FMNL2: variants seen among roughly 807,000 people sequenced by gnomAD.
The protein encoded by FMNL2 is formin-like protein 2.
Under a neutral mutation model 130.2 loss-of-function variants are expected in FMNL2, and 51 were observed. The ratio of observed to expected loss-of-function variants is 0.39; its 90% confidence interval spans 0.31 to 0.49. The LOEUF is 0.49. FMNL2 is among the 20% of genes least tolerant of loss of function. FMNL2 has a pLI of 0.85. For missense variants in FMNL2, 977 were observed against 1,316.2 expected, an observed-to-expected ratio of 0.74 and a Z score of 3.99; for synonymous variants, 465 against 467.1, an observed-to-expected ratio of 1.00 and a Z score of 0.06.
rs199501397 is a variant in FMNL2, at chr2:152,443,321, AG to A, written c.118-78620del. Among the ~76,000 whole-genome samples the A allele has an allele frequency of 5.9e-3, 899 of 152,190 alleles. 11 individuals are homozygous for A. The highest frequency in any genetic ancestry group is 0.021 in the African/African-American group (876 of 41,520). On this transcript the variant is annotated intron_variant, in intron 1 of 25. Transcript: ENST00000288670. ...CACTAGCCTTCACTTCAGTGGGGAGAGGCTTCTACCACTTTGGGAACCATCA... is the reference window on the plus strand; with the variant it reads ...CACTAGCCTTCACTTCAGTGGGGAGAGCTTCTACCACTTTGGGAACCATCA...
intron 2 of FMNL2, among the ~76,000 whole-genome samples, chr2:152,531,913 G>T (rs1693721199): frequency 6.6e-6 from 1 of 152,260 alleles, no homozygotes; most frequent in East Asian, 1.9e-4. Flanking sequence ...GTGGTTTAGG[G>T]GTGAGGGTGA....
At chr2:152,610,180 G>A (rs1698600595) in intron 10 of FMNL2, among the ~76,000 whole-genome samples, 1 of 152,144 alleles carries the variant, frequency 6.6e-6, no homozygotes, top group Non-Finnish European at 1.5e-5. Context: ...TTACCTTTTG[G>A]TGAGATTGTA....
intron 5 of FMNL2, among the ~76,000 whole-genome samples, 154 bp from the exon 6 acceptor site, chr2:152,560,729 A>C (rs1293686889): frequency 6.6e-6 from 1 of 152,212 alleles, no homozygotes; most frequent in Non-Finnish European, 1.5e-5. Flanking sequence ...AGCCCATAGA[A>C]ATTCCATTAT....
intron 25 of FMNL2, among the ~76,000 whole-genome samples, chr2:152,645,143 A>G (rs1683439897): frequency 6.6e-6 from 1 of 152,170 alleles, no homozygotes; most frequent in African/African-American, 2.4e-5. Flanking sequence ...CAGGCTAGAA[A>G]ACTGTCATCT....
intron 9 of FMNL2, among the ~76,000 whole-genome samples, chr2:152,604,268 G>A (rs183893483): frequency 9.3e-5 from 14 of 151,058 alleles, no homozygotes; most frequent in Admixed American, 3.3e-4. Context: ...TCTAGCCTTG[G>A]TTCTGCCACT....
intron 1 of FMNL2, among the ~76,000 whole-genome samples, chr2:152,502,649 T>C (rs1430052388): frequency 6.6e-6 from 1 of 152,188 alleles, no homozygotes; most frequent in Non-Finnish European, 1.5e-5. Flanking sequence ...GTCGTGCCAC[T>C]GCACTCCAGC....
chr2:152,391,673 G>A (rs1685115584), intron 1 of FMNL2, among the ~76,000 whole-genome samples: 1 of 151,272 alleles, frequency 6.6e-6, no homozygotes, highest in African/African-American at 2.4e-5. Flanking sequence ...TTCCCGATAG[G>A]GGTTTTGAAT....
chr2:152,477,041 T>C lies in FMNL2; in HGVS notation c.118-44902T>C, dbSNP rs138925415. On this transcript the variant is annotated intron_variant, in intron 1 of 25. Coordinates refer to ENST00000288670, the MANE Select transcript of FMNL2 (RefSeq NM_052905.4). ...AGGATTATAAGCACTTGGTTTTCAA[T>C]GCATGAAAATGCCCTTGGTTAGAAA... 6.8e-3 allele frequency among the ~76,000 whole-genome samples: 1,037 copies of C among 152,266 alleles called. 5 individuals are homozygous for C. Among genetic ancestry groups the C allele is most frequent in the Non-Finnish European group, 9.2e-3 (628 of 68,022 alleles).
chr2:152,416,002 G>C (rs971452305), intron 1 of FMNL2, among the ~76,000 whole-genome samples: 1 of 152,162 alleles, frequency 6.6e-6, no homozygotes, highest in Non-Finnish European at 1.5e-5. Context: ...TGGCATGCAG[G>C]AAATGGATGT....
chr2:152,427,757 C>A (rs1010817853), intron 1 of FMNL2, among the ~76,000 whole-genome samples: 51 of 152,156 alleles, frequency 3.4e-4, no homozygotes, highest in African/African-American at 1.2e-3. Context: ...TTGAGATAAC[C>A]TCTATGAAGC....
chr2:152,513,436 A>G (rs1449510403), intron 1 of FMNL2, among the ~76,000 whole-genome samples: 1 of 152,156 alleles, frequency 6.6e-6, no homozygotes, highest in Non-Finnish European at 1.5e-5. Context: ...CTTGACCAAC[A>G]TCTCTTCATG....
intron 1 of FMNL2, chr2:152,390,216 C>T: frequency 1.4e-6 from 2 of 1,447,864 alleles, no homozygotes; most frequent in Non-Finnish European, 1.9e-6. Context: ...AAACTTCCGG[C>T]TGAAAGGGAA....
intron 1 of FMNL2, among the ~76,000 whole-genome samples, chr2:152,463,154 T>C (rs1163614406): frequency 6.6e-6 from 1 of 152,220 alleles, no homozygotes. Flanking sequence ...TCTTAAAGGA[T>C]TGTTGTCAAA....
chr2:152,374,301 A>C (rs1448865131), intron 1 of FMNL2, among the ~76,000 whole-genome samples: 1 of 152,134 alleles, frequency 6.6e-6, no homozygotes, highest in Non-Finnish European at 1.5e-5. Context: ...GGGAGATATG[A>C]ACTATCCTGC....
intron 1 of FMNL2, among the ~76,000 whole-genome samples, chr2:152,362,402 C>G (rs1266670264): frequency 1.3e-5 from 2 of 152,152 alleles, no homozygotes; most frequent in Non-Finnish European, 2.9e-5. Context: ...AAATCACTTT[C>G]TTCGCTGGGC....
chr2:152,383,133 C>T (rs1021569515), intron 1 of FMNL2, among the ~76,000 whole-genome samples: 1 of 151,940 alleles, frequency 6.6e-6, no homozygotes, highest in Non-Finnish European at 1.5e-5. Context: ...ACAAATAGGG[C>T]AGAGAGAGAG....
At chr2:152,488,899 C>T (rs79742134) in intron 1 of FMNL2, among the ~76,000 whole-genome samples, 8,828 of 151,786 alleles carry the variant, frequency 0.058, 453 homozygotes, top group East Asian at 0.25. Context: ...GCAACATAGA[C>T]TCCATCTACA....
intron 1 of FMNL2, among the ~76,000 whole-genome samples, chr2:152,475,521 G>A (rs1475767148): frequency 2.0e-5 from 3 of 151,908 alleles, no homozygotes; most frequent in Non-Finnish European, 4.4e-5. Context: ...TTGAGACAGA[G>A]TCTTGCTCTG....
intron 7 of FMNL2, among the ~76,000 whole-genome samples, chr2:152,578,113 A>G (rs1696576426): frequency 6.6e-6 from 1 of 152,152 alleles, no homozygotes; most frequent in Non-Finnish European, 1.5e-5. Context: ...AGCACAGAAG[A>G]GTTCCTCTTT....
Sources: gnomAD v4.1 joint callset for allele counts (sites outside exome capture counted in the v4.1 genomes callset) on GRCh38, gnomAD v4.1.1 for gene constraint, MANE v1.5 for transcripts, NCBI Gene and HGNC (gene_info 2026-07-23, HGNC 2026-07-21) for gene names.